Variants in MAML2 observed in about 807,000 individuals in gnomAD.
MAML2 encodes mastermind-like protein 2.
MAML2 carries 22 observed loss-of-function variants against 96.1 expected under a neutral mutation model. The observed-to-expected ratio is 0.23, with a 90% CI of 0.16 to 0.33. The LOEUF (loss-of-function observed/expected upper bound fraction) is 0.33, where lower values mean the gene tolerates loss of function less well. MAML2 is among the 10% of genes least tolerant of loss of function. The probability of loss-of-function intolerance (pLI) is 1.00; values close to 1 mark genes in which losing one functional copy is unlikely to be tolerated. For missense variants in MAML2, 1,367 were observed against 1,392.4 expected (o/e 0.98, Z 0.29); for synonymous variants, 561 against 521.3 (o/e 1.08, Z -1.04).
intron 2 of MAML2, among the ~76,000 whole-genome samples, chr11:96,053,901 G>A (rs2135770506): frequency 6.6e-6 from 1 of 152,148 alleles, no homozygotes; most frequent in South Asian, 2.1e-4. Context: ...CCTCCTTTCA[G>A]CCATATATGT....
chr11:95,979,881 G>A lies in MAML2; in HGVS notation c.2538C>T (p.Ser846=). 2 of 1,613,902 alleles carry A rather than the reference G, an allele frequency of 1.2e-6. No homozygotes were observed. The highest frequency in any genetic ancestry group is 1.1e-5 in the South Asian group (1 of 91,074). ...TCCCGTGAGAAGTAGACAGGAGGCT[G>A]GAATTGGGAGTTAAAATGGTGTGTG... ...VSTHTILTPN[S]SLLSTSHGTR... Residue 846 remains serine, a synonymous_variant, in exon 5 of 5, where the codon TCC becomes TCT. Coordinates refer to ENST00000524717, the MANE Select transcript of MAML2 (RefSeq NM_032427.4).
At position 96,320,668 on chromosome 11, in the gene MAML2, G is replaced by A. The variant is rs190349721; in HGVS notation, c.513+20715C>T. Among the ~76,000 whole-genome samples, 420 of 152,338 alleles carry A rather than the reference G, an allele frequency of 2.8e-3. 2 individuals are homozygous for A. The highest frequency in any genetic ancestry group is 9.8e-3 in the African/African-American group (406 of 41,582). On this transcript the variant is annotated intron_variant, in intron 1 of 4. Transcript: ENST00000524717. ...AATTCATTATTACTATAAGAAGACA[G>A]GAATAGGAGTTTGTGAGGTAGAGAT...
At position 96,107,349 on chromosome 11, in the gene MAML2, C is replaced by G. The variant is rs566414535; in HGVS notation, c.514-13832G>C. 2.0e-5 allele frequency among the ~76,000 whole-genome samples: 3 copies of G among 152,262 alleles called. No homozygotes were observed. The South Asian group carries it at 6.2e-4, about 32-fold the overall frequency. On this transcript the variant is annotated intron_variant, in intron 1 of 4. Transcript: ENST00000524717. ...TCTCTCTGGGCCTCAGTCTCCTCCT[C>G]TGAATAATGGGGTTAATAGTTCCAA...
intron 1 of MAML2, among the ~76,000 whole-genome samples, chr11:96,187,900 C>T (rs1861596844): frequency 6.6e-6 from 1 of 152,200 alleles, no homozygotes. Flanking sequence ...GGACTAAGCA[C>T]TCCAGAAGAG....
chr11:96,209,383 A>C (rs1861936521), intron 1 of MAML2, among the ~76,000 whole-genome samples: 1 of 152,120 alleles, frequency 6.6e-6, no homozygotes. Flanking sequence ...CACGCCTGTA[A>C]TCTCAGCACT....
At chr11:95,999,113 G>A (rs1372763628) in intron 2 of MAML2, among the ~76,000 whole-genome samples, 1 of 152,148 alleles carries the variant, frequency 6.6e-6, no homozygotes, top group Non-Finnish European at 1.5e-5. Context: ...CACTGTCCCA[G>A]CCTTCTACCA....
intron 2 of MAML2, among the ~76,000 whole-genome samples, chr11:95,998,622 A>G (rs1341020550): frequency 6.6e-6 from 1 of 152,130 alleles, no homozygotes; most frequent in Non-Finnish European, 1.5e-5. Flanking sequence ...AGCCTGCTGG[A>G]AAATCCTGCC....
chr11:96,212,143 GTGTGTGT>G (rs1244410413), intron 1 of MAML2, among the ~76,000 whole-genome samples: 8 of 149,204 alleles, frequency 5.4e-5, no homozygotes, highest in Non-Finnish European at 1.2e-4. Context: ...GTGTGTGTGT[GTGTGTGT>G]GGAAGGGGGA....
intron 1 of MAML2, among the ~76,000 whole-genome samples, chr11:96,277,024 C>T (rs1862998498): frequency 6.6e-6 from 1 of 152,238 alleles, no homozygotes; most frequent in East Asian, 1.9e-4. Context: ...GAGCAGGATT[C>T]ATGCTCTGTA....
chr11:96,219,691 G>A (rs948629261), intron 1 of MAML2, among the ~76,000 whole-genome samples: 14 of 152,174 alleles, frequency 9.2e-5, no homozygotes, highest in South Asian at 8.3e-4. Flanking sequence ...AGTGGCACAA[G>A]CTCGGCTCAC....
chr11:96,247,637 C>G (rs1303955091), intron 1 of MAML2, among the ~76,000 whole-genome samples: 1 of 152,128 alleles, frequency 6.6e-6, no homozygotes, highest in Non-Finnish European at 1.5e-5. Context: ...CATCGTTAGT[C>G]TCACTGGAAA....
At chr11:96,051,029 G>T (rs1478878387) in intron 2 of MAML2, among the ~76,000 whole-genome samples, 1 of 146,524 alleles carries the variant, frequency 6.8e-6, no homozygotes, top group African/African-American at 2.4e-5. Context: ...AAATCCCCCT[G>T]CTGGCTGTTG....
chr11:95,985,682 C>T, intron 3 of MAML2, 40 bp from the exon 4 acceptor site: 1 of 1,315,738 alleles, frequency 7.6e-7, no homozygotes, highest in Non-Finnish European at 1.1e-6. Context: ...TTGCATCATT[C>T]CCTTTTCACT....
intron 2 of MAML2, among the ~76,000 whole-genome samples, chr11:96,068,691 ATGGT>A (rs1822030036): frequency 6.6e-6 from 1 of 152,012 alleles, no homozygotes; most frequent in Non-Finnish European, 1.5e-5. Context: ...TTAGCTGGGC[ATGGT>A]GGCAGGCACC....
intron 2 of MAML2, among the ~76,000 whole-genome samples, chr11:96,010,659 A>G (rs2135727410): frequency 1.3e-5 from 2 of 152,372 alleles, no homozygotes; most frequent in Middle Eastern, 6.8e-3. Flanking sequence ...CCAAAAAGTT[A>G]TATACAGATG....
intron 1 of MAML2, among the ~76,000 whole-genome samples, chr11:96,154,298 A>C (rs1860976480): frequency 6.6e-6 from 1 of 152,224 alleles, no homozygotes; most frequent in Non-Finnish European, 1.5e-5. Context: ...ACTTTTGAGC[A>C]GTCTGCAACA....
At chr11:96,020,165 T>C (rs1460522263) in intron 2 of MAML2, among the ~76,000 whole-genome samples, 1 of 152,154 alleles carries the variant, frequency 6.6e-6, no homozygotes, top group African/African-American at 2.4e-5. Flanking sequence ...GGACCCTTAC[T>C]TCACTTCTAA....
At chr11:96,075,839 T>C (rs957383810) in intron 2 of MAML2, among the ~76,000 whole-genome samples, 1 of 152,232 alleles carries the variant, frequency 6.6e-6, no homozygotes, top group South Asian at 2.1e-4. Context: ...TCTGCTACCA[T>C]GGTCAATGTG....
intron 1 of MAML2, among the ~76,000 whole-genome samples, chr11:96,139,476 TAA>T (rs1157206994): frequency 5.8e-5 from 8 of 136,826 alleles, no homozygotes; most frequent in Admixed American, 7.3e-5. Context: ...GACTCTGTCT[TAA>T]AAAAAAAAAA....
Sources: allele counts gnomAD v4.1 joint callset (sites outside exome capture counted in the v4.1 genomes callset), GRCh38; gene constraint gnomAD v4.1.1; transcripts MANE v1.5; gene names NCBI Gene and HGNC (gene_info 2026-07-23, HGNC 2026-07-21).